ERI3: variants seen among roughly 807,000 people sequenced by gnomAD.
ERI3 encodes ERI1 exoribonuclease 3.
ERI3 carries 18 observed loss-of-function variants against 44.4 expected under a neutral mutation model. The observed-to-expected ratio is 0.41, with a 90% CI of 0.28 to 0.60. ERI3 has a LOEUF of 0.60. ERI3 is among the 20% of genes least tolerant of loss of function. The pLI is 0.36. For synonymous variants in ERI3, 183 were observed against 164.8 expected (o/e 1.11, Z -0.84); for missense variants, 294 against 435.5 (o/e 0.68, Z 2.89).
chr1:44,248,174 C>T (rs955812633), intron 7 of ERI3, 136 bp from the exon 8 acceptor site: 4 of 587,326 alleles, frequency 6.8e-6, no homozygotes, highest in Non-Finnish European at 1.2e-5. Context: ...AGAGTCCCTT[C>T]TCCACCCAGG....
At chr1:44,227,296 A>C (rs1644069006) in intron 8 of ERI3, among the ~76,000 whole-genome samples, 1 of 152,222 alleles carries the variant, frequency 6.6e-6, no homozygotes. Context: ...AACAGGGACC[A>C]GAAGAGGTAG....
rs923607285 is a variant in ERI3 at position 44,354,437 on chromosome 1, A to G, written c.135+455T>C. On this transcript the variant is annotated intron_variant, in intron 1 of 8. Transcript: ENST00000372257. ...CTCAATCCAAGTTCATGCTTTTTTT[A>G]AGAAAACACCTGTTGCTGGACCATT... The G allele has an allele frequency of 6.1e-6, 6 of 985,278 alleles. No individual in the cohort carries two copies. In the African/African-American group the frequency reaches 1.0e-4, roughly 17 times the overall value. The allele number at this position is 985,278 out of a possible 1,614,324, so 61.0% of individuals were successfully genotyped here. A position where few individuals can be genotyped will look rare whatever the true frequency, so the allele number is the denominator to read the frequency against.
At chr1:44,330,158 T>C (rs576153082) in intron 3 of ERI3, among the ~76,000 whole-genome samples, 1 of 152,328 alleles carries the variant, frequency 6.6e-6, no homozygotes, top group Non-Finnish European at 1.5e-5. Flanking sequence ...CACTCAGTAA[T>C]ACATTCAAAT....
In ERI3 at chr1:44,221,545, T is replaced by C. The variant is rs773480454; in HGVS notation, c.*13A>G. 2.3e-5 allele frequency: 37 copies of C among 1,612,354 alleles called. No homozygotes were observed. Among genetic ancestry groups the C allele is most frequent in the Non-Finnish European group, 3.1e-5 (36 of 1,178,424 alleles). On this transcript the variant is annotated 3_prime_UTR_variant, in exon 9 of 9. Transcript: ENST00000372257. The surrounding 1 kb of genome is among the most constrained non-coding windows in gnomAD (Gnocchi z 5.9). ...ACAGCTACCCTGTCCTGCCCCATCC[T>C]GTCCTCGGCCAATCAGAACGGCTTC... is the stretch of plus-strand genomic sequence containing the variant.
At chr1:44,332,606 C>T (rs951626721) in intron 3 of ERI3, among the ~76,000 whole-genome samples, 1 of 152,256 alleles carries the variant, frequency 6.6e-6, no homozygotes, top group Non-Finnish European at 1.5e-5. Flanking sequence ...TGCATCAGTG[C>T]TCCATTCCCC....
chr1:44,329,699 C>T (rs369495698), intron 3 of ERI3, among the ~76,000 whole-genome samples: 1 of 152,178 alleles, frequency 6.6e-6, no homozygotes, highest in East Asian at 1.9e-4. Context: ...CCAAACAATG[C>T]ATCAAATAGG....
At chr1:44,246,753 G>A (rs1644562685) in intron 8 of ERI3, among the ~76,000 whole-genome samples, 1 of 152,220 alleles carries the variant, frequency 6.6e-6, no homozygotes, top group South Asian at 2.1e-4. Flanking sequence ...CTCTTCCCAG[G>A]ATGTGAGCTC....
intron 7 of ERI3, among the ~76,000 whole-genome samples, chr1:44,265,947 A>G (rs1644982953): frequency 6.6e-6 from 1 of 152,200 alleles, no homozygotes; most frequent in Non-Finnish European, 1.5e-5. Flanking sequence ...TTAGATGGTG[A>G]TGATGGTTGC....
At chr1:44,242,345 G>C (rs1644457047) in intron 8 of ERI3, among the ~76,000 whole-genome samples, 1 of 152,216 alleles carries the variant, frequency 6.6e-6, no homozygotes, top group Admixed American at 6.5e-5. Flanking sequence ...TCACCACTCA[G>C]GTCATCTGAA....
At chr1:44,254,791 C>G (rs1644748919) in intron 7 of ERI3, among the ~76,000 whole-genome samples, 1 of 151,896 alleles carries the variant, frequency 6.6e-6, no homozygotes, top group Non-Finnish European at 1.5e-5. Flanking sequence ...CTTCACCTCC[C>G]CTGTTCTAAC....
At position 44,261,238 on chromosome 1, in the gene ERI3, G is replaced by A. The variant is rs368720976; in HGVS notation, c.832-13200C>T. ...GGTTCAGGTAGGAGCGGGGTGGGCC[G>A]GCTGGCAGATCTGAGAGCGTGGCAC... On this transcript the variant is annotated intron_variant, in intron 7 of 8. Transcript: ENST00000372257. 2.1e-4 allele frequency among the ~76,000 whole-genome samples: 32 copies of A among 152,372 alleles called. No individual in the cohort carries two copies. In the East Asian group the frequency reaches 5.0e-3, roughly 24 times the overall value.
At chr1:44,263,038 C>T (rs1025952592) in intron 7 of ERI3, among the ~76,000 whole-genome samples, 2 of 152,108 alleles carry the variant, frequency 1.3e-5, no homozygotes, top group Admixed American at 6.6e-5. Context: ...TTCACAGGGC[C>T]AAGTAAAAGA....
At chr1:44,303,736 T>C (rs980923300) in intron 6 of ERI3, among the ~76,000 whole-genome samples, 5 of 151,730 alleles carry the variant, frequency 3.3e-5, no homozygotes, top group African/African-American at 7.3e-5. Flanking sequence ...ACCTTGAAAG[T>C]CCCAATAAAC....
At chr1:44,236,070 T>C (rs1449023453) in intron 8 of ERI3, among the ~76,000 whole-genome samples, 1 of 152,146 alleles carries the variant, frequency 6.6e-6, no homozygotes, top group Non-Finnish European at 1.5e-5. Context: ...TGGGCCCCAG[T>C]GGAGGCACTG....
At chr1:44,303,449 C>T (rs1645768162) in intron 6 of ERI3, among the ~76,000 whole-genome samples, 1 of 152,220 alleles carries the variant, frequency 6.6e-6, no homozygotes. Context: ...ACTTATTCAA[C>T]AGTTATTTAT....
At chr1:44,325,238 C>T (rs1038577799) in intron 3 of ERI3, among the ~76,000 whole-genome samples, 9 of 151,922 alleles carry the variant, frequency 5.9e-5, no homozygotes, top group Admixed American at 6.6e-5. Flanking sequence ...TGACCACACC[C>T]GGCTATTTTT....
intron 3 of ERI3, among the ~76,000 whole-genome samples, chr1:44,328,193 G>A (rs1646353543): frequency 6.6e-6 from 1 of 151,846 alleles, no homozygotes; most frequent in Non-Finnish European, 1.5e-5. Flanking sequence ...TCACTGACTA[G>A]TAAGCAAGCA....
chr1:44,279,805 A>G (rs142437620), intron 7 of ERI3, among the ~76,000 whole-genome samples: 110 of 152,318 alleles, frequency 7.2e-4, no homozygotes, highest in African/African-American at 2.5e-3. Flanking sequence ...AATCAGTGCT[A>G]CTATAATACT....
chr1:44,242,097 A>C, intron 8 of ERI3: 1 of 985,594 alleles, frequency 1.0e-6, no homozygotes, highest in African/African-American at 1.7e-5. Context: ...ATGATGGGAG[A>C]GTTAACCCTT....
Sources: allele counts gnomAD v4.1 joint callset (sites outside exome capture counted in the v4.1 genomes callset), GRCh38; gene constraint gnomAD v4.1.1; non-coding constraint Gnocchi (gnomAD v3.1); transcripts MANE v1.5; gene names NCBI Gene and HGNC (gene_info 2026-07-23, HGNC 2026-07-21).